Variants in CCDC88A observed in about 807,000 individuals in gnomAD.
The protein encoded by CCDC88A is coiled-coil and HOOK domain protein 88A, also known as girdin.
A neutral mutation model predicts 234.3 loss-of-function variants in CCDC88A; 54 were observed. That is an observed-to-expected ratio of 0.23 (90% CI 0.19 to 0.29). CCDC88A has a LOEUF of 0.29. Among genes scored for constraint, CCDC88A ranks in the 10% least tolerant of loss-of-function variants. The pLI, the probability that CCDC88A is intolerant of heterozygous loss-of-function variation, is 1.00. For missense variants in CCDC88A, 1,832 were observed against 2,123.4 expected, an observed-to-expected ratio of 0.86 and a Z score of 2.70; for synonymous variants, 753 against 737.8, an observed-to-expected ratio of 1.02 and a Z score of -0.33.
At chr2:55,389,417 G>T (rs1312115265) in intron 2 of CCDC88A, among the ~76,000 whole-genome samples, 1 of 152,164 alleles carries the variant, frequency 6.6e-6, no homozygotes, top group African/African-American at 2.4e-5. Context: ...AGAAACTGCA[G>T]AAGAAAAATA....
At chr2:55,291,550 G>A in intron 32 of CCDC88A, 126 bp downstream of exon 32, 1 of 442,594 alleles carries the variant, frequency 2.3e-6, no homozygotes, top group African/African-American at 2.0e-5. Flanking sequence ...AAGTAGAACA[G>A]AAAGTCAATG....
At chr2:55,331,858 T>C (rs1030615866) in intron 16 of CCDC88A, 4 of 152,180 alleles carry the variant, frequency 2.6e-5, no homozygotes, top group Admixed American at 2.6e-4. Context: ...CCTCCATTTA[T>C]CTTTAAGTCA....
intron 5 of CCDC88A, among the ~76,000 whole-genome samples, chr2:55,367,237 G>A (rs916191606): frequency 2.6e-5 from 4 of 152,190 alleles, no homozygotes; most frequent in East Asian, 1.9e-4. Context: ...GGTGGTTACC[G>A]AGGTCTGGTA....
Position 55,370,102 on chromosome 2 carries a change from G to C in CCDC88A, c.402+2350C>G, listed in dbSNP as rs543921373. On this transcript the variant is annotated intron_variant, in intron 5 of 32. Transcript: ENST00000436346. ...ACATCATTCTGGCACCACAATAGAT[G>C]CAAGTCTTAAGGGCTCTCAAGTAAA... is the stretch of plus-strand genomic sequence containing the variant. 2.6e-5 allele frequency among the ~76,000 whole-genome samples: 4 copies of C among 152,208 alleles called. No individual in the cohort carries two copies. In the South Asian group the frequency reaches 8.3e-4, roughly 32 times the overall value.
intron 5 of CCDC88A, among the ~76,000 whole-genome samples, chr2:55,366,302 G>C (rs1671937234): frequency 6.6e-6 from 1 of 152,094 alleles, no homozygotes; most frequent in Non-Finnish European, 1.5e-5. Flanking sequence ...GAGGCAGCTG[G>C]ATCACCTGAG....
Position 55,340,879 on chromosome 2 carries a change from C to G in CCDC88A, c.1334-1231G>C, listed in dbSNP as rs530345429. On this transcript the variant is annotated intron_variant, in intron 12 of 32. Transcript: ENST00000436346. ...CCTGTATTAGGTGTTTTTAAATAGT[C>G]ACTATGATACACAATAGATCTCTTA... 2.6e-5 allele frequency among the ~76,000 whole-genome samples: 4 copies of G among 152,208 alleles called. No homozygotes were observed. In the South Asian group the frequency reaches 8.3e-4, roughly 32 times the overall value.
intron 22 of CCDC88A, chr2:55,314,012 T>C (rs908184000): frequency 7.9e-5 from 12 of 152,212 alleles, no homozygotes; most frequent in African/African-American, 2.9e-4. Flanking sequence ...TTCCTTCTTC[T>C]TGAATTTGGA....
chr2:55,340,185 T>C (rs1302314712), intron 12 of CCDC88A: 1 of 152,224 alleles, frequency 6.6e-6, no homozygotes, highest in Non-Finnish European at 1.5e-5. Context: ...AAAATTTAGA[T>C]TGAAGAAATT....
chr2:55,317,441 A>G lies in CCDC88A; in HGVS notation c.3603-92T>C. The G allele has an allele frequency of 8.5e-7, 1 of 1,176,228 alleles. No homozygotes were observed. The highest frequency in any genetic ancestry group is 2.3e-5 in the South Asian group (1 of 43,572). The allele number at this position is 1,176,228 out of a possible 1,614,324, so 72.9% of individuals were successfully genotyped here. Reference sequence around the variant, plus strand: ...GAGTAATGAGTATCATTTAAAACACATGTAAATTTATATAAATTTCTTATG... The same window carrying G: ...GAGTAATGAGTATCATTTAAAACACGTGTAAATTTATATAAATTTCTTATG... On this transcript the variant is annotated intron_variant, in intron 20 of 32. Transcript: ENST00000436346. This position sits in a 1 kb window ranked among gnomAD's most constrained non-coding sequence, Gnocchi z 4.2.
chr2:55,412,457 C>T (rs1221741631), intron 2 of CCDC88A, among the ~76,000 whole-genome samples: 1 of 152,214 alleles, frequency 6.6e-6, no homozygotes, highest in African/African-American at 2.4e-5. Context: ...GCAAGCATTA[C>T]TGCCTGAGCT....
Position 55,317,026 on chromosome 2 carries a change from C to T in CCDC88A, c.3746+180G>A, listed in dbSNP as rs910759769. ...CTGGAATTACAGGTGTGAGCCACTG[C>T]ACCCAGCCTATTCTATTTTTTAAAA... On this transcript the variant is annotated intron_variant, in intron 21 of 32. Coordinates refer to ENST00000436346, the MANE Select transcript of CCDC88A (RefSeq NM_001365480.1). This position sits in a 1 kb window ranked among gnomAD's most constrained non-coding sequence, Gnocchi z 4.2. 4 of 208,240 alleles carry T rather than the reference C, an allele frequency of 1.9e-5. No homozygotes were observed. Among genetic ancestry groups the T allele is most frequent in the African/African-American group, 9.3e-5 (4 of 43,006 alleles). The allele number at this position is 208,240 out of a possible 1,614,324, so 12.9% of individuals were successfully genotyped here. A position where few individuals can be genotyped will look rare whatever the true frequency, so the allele number is the denominator to read the frequency against.
chr2:55,348,761 A>T (rs1411534832), intron 9 of CCDC88A: 1 of 152,272 alleles, frequency 6.6e-6, no homozygotes, highest in African/African-American at 2.4e-5. Flanking sequence ...ACGTAAAAAA[A>T]ACCCTGCTGC....
intron 2 of CCDC88A, among the ~76,000 whole-genome samples, chr2:55,396,940 ACT>A (rs1677703918): frequency 6.6e-6 from 1 of 150,712 alleles, no homozygotes. Flanking sequence ...ATCATATATC[ACT>A]GTTTTACTGT....
chr2:55,363,856 C>T, intron 6 of CCDC88A, 94 bp downstream of exon 6: 1 of 617,308 alleles, frequency 1.6e-6, no homozygotes, highest in Non-Finnish European at 2.8e-6. Context: ...TTTGTTCTTG[C>T]TTATTCTATG....
chr2:55,325,310 GT>G (rs1281376081), intron 17 of CCDC88A, among the ~76,000 whole-genome samples: 1 of 152,160 alleles, frequency 6.6e-6, no homozygotes. Flanking sequence ...TATAAATGGT[GT>G]TTTTTAATTT....
At position 55,301,195 on chromosome 2, in the gene CCDC88A, C is replaced by T; in HGVS notation, c.4744+11G>A. 2 of 1,523,896 alleles carry T rather than the reference C, an allele frequency of 1.3e-6. No individual in the cohort carries two copies. Among genetic ancestry groups the T allele is most frequent in the Middle Eastern group, 1.7e-4 (1 of 5,834 alleles). 94.4% of individuals were successfully genotyped at this position (1,523,896 alleles called of 1,614,324 possible). A position where few individuals can be genotyped will look rare whatever the true frequency, so the allele number is the denominator to read the frequency against. ...TAATGTGTACTCTCTAAATAAGGTT[C>T]ATTATCTTACCATGAACTCTTGATC... On this transcript the variant is annotated intron_variant, in intron 28 of 32. Coordinates refer to ENST00000436346, the MANE Select transcript of CCDC88A (RefSeq NM_001365480.1).
At chr2:55,367,959 T>C (rs1023540900) in intron 5 of CCDC88A, among the ~76,000 whole-genome samples, 1 of 152,214 alleles carries the variant, frequency 6.6e-6, no homozygotes, top group Non-Finnish European at 1.5e-5. Context: ...AGGTATTATG[T>C]AGGTTTTAAG....
chr2:55,349,505 T>G lies in CCDC88A; in HGVS notation c.882+13A>C, dbSNP rs1286342851. 1.3e-6 allele frequency: 2 copies of G among 1,583,556 alleles called. No individual in the cohort carries two copies. Among genetic ancestry groups the G allele is most frequent in the South Asian group, 1.1e-5 (1 of 89,180 alleles). ...CTTGGTGGTCCTAAATAACAGATAT[T>G]CCAGGTACAAACCTCTTGTTGCAGC... On this transcript the variant is annotated intron_variant, in intron 9 of 32. Coordinates refer to ENST00000436346, the MANE Select transcript of CCDC88A (RefSeq NM_001365480.1).
chr2:55,409,502 T>G (rs1195494704), intron 2 of CCDC88A, among the ~76,000 whole-genome samples: 5 of 152,196 alleles, frequency 3.3e-5, no homozygotes, highest in Non-Finnish European at 4.4e-5. Flanking sequence ...CCCCTTATTG[T>G]GGGCAAAGCA....
Sources: gnomAD v4.1 joint callset for allele counts (sites outside exome capture counted in the v4.1 genomes callset) on GRCh38, gnomAD v4.1.1 for gene constraint, Gnocchi (gnomAD v3.1) non-coding constraint, MANE v1.5 for transcripts, NCBI Gene and HGNC (gene_info 2026-07-23, HGNC 2026-07-21) for gene names.